The following CDH2 variants were observed in gnomAD, a reference collection of about 807,000 sequenced individuals.
CDH2 encodes cadherin-2.
Under a neutral mutation model 92.0 loss-of-function variants are expected in CDH2, and 17 were observed. The ratio of observed to expected loss-of-function variants is 0.18; its 90% CI spans 0.13 to 0.28. The LOEUF (loss-of-function observed/expected upper bound fraction) is 0.28. CDH2 is among the 10% of genes least tolerant of loss of function. The pLI, the probability that CDH2 is intolerant of heterozygous loss-of-function variation, is 1.00. For synonymous variants in CDH2, 419 were observed against 415.9 expected (o/e 1.01, Z -0.09); for missense variants, 862 against 1,133.1 (o/e 0.76, Z 3.44).
chr18:27,993,317 G>T (rs918166258), intron 8 of CDH2, among the ~76,000 whole-genome samples, 183 bp downstream of exon 8: 1 of 152,176 alleles, frequency 6.6e-6, no homozygotes, highest in Non-Finnish European at 1.5e-5. Flanking sequence ...TGAAGACTAC[G>T]AAGAAACAAA....
At chr18:27,987,143 TATACATAC>T (rs573406711) in intron 11 of CDH2, among the ~76,000 whole-genome samples, 3 of 152,246 alleles carry the variant, frequency 2.0e-5, no homozygotes, top group East Asian at 1.9e-4. Context: ...TCACAACCAA[TATACATAC>T]ATACATACAT....
At chr18:28,019,880 T>C (rs1436546751) in intron 2 of CDH2, among the ~76,000 whole-genome samples, 1 of 152,152 alleles carries the variant, frequency 6.6e-6, no homozygotes, top group Non-Finnish European at 1.5e-5. Context: ...TGGGTCAATA[T>C]CTTAGATAAA....
intron 2 of CDH2, among the ~76,000 whole-genome samples, chr18:28,047,101 A>G (rs913863889): frequency 1.4e-4 from 22 of 152,168 alleles, no homozygotes; most frequent in Non-Finnish European, 2.9e-4. Flanking sequence ...ACAGCTTTGT[A>G]ATCTGCCAGG....
At chr18:28,005,475 T>C (rs2012888883) in intron 6 of CDH2, among the ~76,000 whole-genome samples, 1 of 152,214 alleles carries the variant, frequency 6.6e-6, no homozygotes, top group South Asian at 2.1e-4. Context: ...CTACGTCTCA[T>C]ACAGTCACAT....
intron 1 of CDH2, among the ~76,000 whole-genome samples, chr18:28,150,851 G>C (rs976239665): frequency 2.0e-5 from 3 of 152,102 alleles, no homozygotes; most frequent in Non-Finnish European, 2.9e-5. Flanking sequence ...AATCTATAAT[G>C]TATTTTCTTA....
At chr18:28,024,763 A>G (rs1433326127) in intron 2 of CDH2, among the ~76,000 whole-genome samples, 1 of 151,874 alleles carries the variant, frequency 6.6e-6, no homozygotes, top group African/African-American at 2.4e-5. Flanking sequence ...AACATAATAT[A>G]AACACTTTAA....
chr18:27,990,449 C>T, intron 9 of CDH2, 99 bp from the exon 10 acceptor site: 1 of 1,086,150 alleles, frequency 9.2e-7, no homozygotes, highest in South Asian at 1.6e-5. Flanking sequence ...AAATTAATTT[C>T]TTCATTCACT....
chr18:28,176,788 C>A (rs958811466), intron 1 of CDH2, among the ~76,000 whole-genome samples, 175 bp downstream of exon 1: 3 of 151,344 alleles, frequency 2.0e-5, no homozygotes, highest in Non-Finnish European at 2.9e-5. Context: ...TGCCCCGGCG[C>A]CCGGACGGAG....
chr18:27,933,526 CTGTT>C (rs1438854555), intron 6 of CDH2, among the ~76,000 whole-genome samples: 2 of 152,076 alleles, frequency 1.3e-5, no homozygotes, highest in African/African-American at 4.8e-5. Flanking sequence ...AAGTAGCTCT[CTGTT>C]TGAATATACT....
intron 2 of CDH2, among the ~76,000 whole-genome samples, chr18:28,036,253 T>A (rs901682177): frequency 6.6e-6 from 1 of 152,198 alleles, no homozygotes; most frequent in African/African-American, 2.4e-5. Context: ...TTCATTTTTT[T>A]AAATCATCAC....
At chr18:27,999,654 T>TTATA (rs141435919) in intron 7 of CDH2, among the ~76,000 whole-genome samples, 1 of 150,516 alleles carries the variant, frequency 6.6e-6, no homozygotes, top group Non-Finnish European at 1.5e-5. Flanking sequence ...GCTTTTAAAT[T>TTATA]TATATATATA....
chr18:28,105,238 C>T (rs908961978), intron 2 of CDH2, among the ~76,000 whole-genome samples: 1 of 152,080 alleles, frequency 6.6e-6, no homozygotes, highest in African/African-American at 2.4e-5. Flanking sequence ...CTTCCTTTTA[C>T]CAAAATGTTA....
At chr18:28,069,255 T>C (rs1425493118) in intron 2 of CDH2, among the ~76,000 whole-genome samples, 4 of 152,216 alleles carry the variant, frequency 2.6e-5, no homozygotes, top group African/African-American at 7.2e-5. Context: ...GGTTTGTTTA[T>C]GTAGAATTTG....
intron 2 of CDH2, among the ~76,000 whole-genome samples, chr18:28,068,324 T>C (rs528236067): frequency 2.4e-4 from 36 of 152,318 alleles, no homozygotes; most frequent in Admixed American, 2.2e-3. Flanking sequence ...ATTATTAGCA[T>C]GAACAATGGC....
chr18:28,065,021 T>C (rs1253595249), intron 2 of CDH2, among the ~76,000 whole-genome samples: 1 of 152,034 alleles, frequency 6.6e-6, no homozygotes, highest in African/African-American at 2.4e-5. Flanking sequence ...CTTACCATCA[T>C]AAGATTTCTC....
At chr18:28,084,716 C>A (rs1170792962) in intron 2 of CDH2, among the ~76,000 whole-genome samples, 1 of 152,128 alleles carries the variant, frequency 6.6e-6, no homozygotes, top group Non-Finnish European at 1.5e-5. Context: ...CCAGCAAAAT[C>A]CTAAACTTGG....
intron 1 of CDH2, among the ~76,000 whole-genome samples, chr18:28,159,455 C>T (rs900719180): frequency 2.6e-5 from 4 of 152,196 alleles, no homozygotes; most frequent in Non-Finnish European, 5.9e-5. Context: ...TGCTGGCTTA[C>T]ATTTCCCTCG....
rs533658629 is a variant in CDH2 at position 28,100,876 on chromosome 18, C to T, written c.172+46797G>A. On this transcript the variant is annotated intron_variant, in intron 2 of 15. Coordinates refer to ENST00000269141, the MANE Select transcript of CDH2 (RefSeq NM_001792.5). ...CCACATCAATGCAATGTGCACACTG[C>T]CCAACTCACTAGCTGAAACATTACA... Among the ~76,000 whole-genome samples the T allele has an allele frequency of 1.9e-4, 29 of 152,252 alleles. 1 individual carries two copies. In the East Asian group the frequency reaches 2.5e-3, roughly 13 times the overall value.
intron 11 of CDH2, among the ~76,000 whole-genome samples, chr18:27,986,458 G>A (rs762461065): frequency 2.6e-5 from 4 of 152,070 alleles, no homozygotes; most frequent in Non-Finnish European, 2.9e-5. Flanking sequence ...AATATTGGTC[G>A]GCCTGACCTC....
Sources: gnomAD v4.1 joint callset for allele counts (sites outside exome capture counted in the v4.1 genomes callset) on GRCh38, gnomAD v4.1.1 for gene constraint, MANE v1.5 for transcripts, NCBI Gene and HGNC (gene_info 2026-07-23, HGNC 2026-07-21) for gene names.